Variants in CNTNAP2 observed in about 807,000 individuals in gnomAD.
CNTNAP2 encodes the protein contactin associated protein 2.
Under a neutral mutation model 155.2 loss-of-function variants are expected in CNTNAP2, and 98 were observed. The observed-to-expected ratio is 0.63, with a 90% CI of 0.54 to 0.75. CNTNAP2 has a LOEUF of 0.75. Ranked by LOEUF, CNTNAP2 falls within the 30% of genes least tolerant of loss-of-function variation. CNTNAP2 has a pLI of 0.00. For missense variants in CNTNAP2, 1,727 were observed against 1,688.1 expected (o/e 1.02, Z -0.40); for synonymous variants, 651 against 631.2 (o/e 1.03, Z -0.47).
intron 3 of CNTNAP2, among the ~76,000 whole-genome samples, chr7:147,039,939 GC>G (rs1436464371): frequency 1.6e-4 from 24 of 152,094 alleles, no homozygotes; most frequent in Admixed American, 7.2e-4. Flanking sequence ...TCATAACAAA[GC>G]AAATATTGAC....
chr7:148,038,604 C>A (rs1192059831), intron 15 of CNTNAP2, among the ~76,000 whole-genome samples: 2 of 152,134 alleles, frequency 1.3e-5, no homozygotes, highest in East Asian at 3.9e-4. Flanking sequence ...CTTATAGTAT[C>A]CTTGTGTCTC....
In CNTNAP2 at chr7:147,987,406, C is replaced by T. The variant is rs1328612777; in HGVS notation, c.2383+9417C>T. Among the ~76,000 whole-genome samples the T allele has an allele frequency of 2.6e-5, 4 of 152,132 alleles. No individual in the cohort carries two copies. The South Asian group carries it at 6.2e-4, about 24-fold the overall frequency. ...TTACAATTGACATGATATTTGTGTG[C>T]GTGTGACTGATTTTCTTACCTGTCC... On this transcript the variant is annotated intron_variant, in intron 15 of 23. Coordinates refer to ENST00000361727, the MANE Select transcript of CNTNAP2 (RefSeq NM_014141.6).
chr7:148,164,004 G>A (rs1227408913), intron 17 of CNTNAP2, among the ~76,000 whole-genome samples: 2 of 152,080 alleles, frequency 1.3e-5, no homozygotes, highest in East Asian at 3.9e-4. Context: ...GCACAATCTC[G>A]GCTCACTGTA....
At chr7:147,891,278 C>T (rs920429805) in intron 13 of CNTNAP2, among the ~76,000 whole-genome samples, 1 of 151,696 alleles carries the variant, frequency 6.6e-6, no homozygotes, top group African/African-American at 2.4e-5. Flanking sequence ...GATCTTGGCT[C>T]ACTGCAACCT....
intron 1 of CNTNAP2, among the ~76,000 whole-genome samples, chr7:146,543,815 C>T (rs1270520874): frequency 6.6e-6 from 1 of 151,882 alleles, no homozygotes; most frequent in African/African-American, 2.4e-5. Flanking sequence ...GCCTGATGAA[C>T]TACTTAACTA....
intron 2 of CNTNAP2, among the ~76,000 whole-genome samples, chr7:146,822,296 G>C (rs566412309): frequency 6.6e-6 from 1 of 151,946 alleles, no homozygotes; most frequent in African/African-American, 2.4e-5. Flanking sequence ...ACAGGAAGGG[G>C]AACATCACAC....
chr7:147,728,908 G>T (rs1268606618), intron 13 of CNTNAP2, among the ~76,000 whole-genome samples: 1 of 150,978 alleles, frequency 6.6e-6, no homozygotes, highest in Non-Finnish European at 1.5e-5. Context: ...GCATTGAATG[G>T]GTGGAAAAAT....
At chr7:146,873,582 C>T (rs1300131286) in intron 3 of CNTNAP2, among the ~76,000 whole-genome samples, 2 of 151,952 alleles carry the variant, frequency 1.3e-5, no homozygotes, top group South Asian at 4.2e-4. Flanking sequence ...AAGTGGGCTC[C>T]TAGAGTATTT....
chr7:147,663,696 A>C (rs1006036969), intron 13 of CNTNAP2, among the ~76,000 whole-genome samples: 6 of 152,240 alleles, frequency 3.9e-5, no homozygotes, highest in African/African-American at 1.4e-4. Context: ...TTATTACTAC[A>C]AATGCAGTTT....
chr7:146,679,773 T>C (rs1202960332), intron 1 of CNTNAP2, among the ~76,000 whole-genome samples: 3 of 152,194 alleles, frequency 2.0e-5, no homozygotes, highest in African/African-American at 4.8e-5. Flanking sequence ...TCTTTTCTCT[T>C]TTGCCTGTAT....
intron 4 of CNTNAP2, among the ~76,000 whole-genome samples, chr7:147,100,181 G>T (rs1800625998): frequency 6.6e-6 from 1 of 151,940 alleles, no homozygotes; most frequent in Non-Finnish European, 1.5e-5. Context: ...GGAGGCATAG[G>T]GTACCTCAGT....
At chr7:147,260,709 G>GT (rs1465494551) in intron 8 of CNTNAP2, among the ~76,000 whole-genome samples, 1 of 152,148 alleles carries the variant, frequency 6.6e-6, no homozygotes, top group African/African-American at 2.4e-5. Context: ...TTGAAAGCAG[G>GT]TGCGTATGCC....
intron 1 of CNTNAP2, among the ~76,000 whole-genome samples, chr7:146,265,537 C>A (rs950637610): frequency 1.3e-5 from 2 of 149,828 alleles, no homozygotes; most frequent in African/African-American, 5.0e-5. Context: ...CAGCTCGCTA[C>A]AACTTCTGCC....
intron 3 of CNTNAP2, among the ~76,000 whole-genome samples, chr7:146,894,245 C>A (rs1795834094): frequency 6.6e-6 from 1 of 152,140 alleles, no homozygotes; most frequent in Non-Finnish European, 1.5e-5. Flanking sequence ...CATAGTAATG[C>A]CTTAGAAATA....
intron 1 of CNTNAP2, among the ~76,000 whole-genome samples, chr7:146,472,263 A>G (rs1042413751): frequency 4.6e-5 from 7 of 152,204 alleles, no homozygotes; most frequent in Non-Finnish European, 1.0e-4. Flanking sequence ...TCAATAACAA[A>G]TGAGTCCACA....
At chr7:147,220,894 T>C (rs1803381810) in intron 8 of CNTNAP2, among the ~76,000 whole-genome samples, 1 of 152,060 alleles carries the variant, frequency 6.6e-6, no homozygotes. Flanking sequence ...TTGTGTTTTT[T>C]AGTTGAGATG....
chr7:147,268,614 C>A (rs1014613683), intron 8 of CNTNAP2, among the ~76,000 whole-genome samples: 1 of 152,038 alleles, frequency 6.6e-6, no homozygotes, highest in East Asian at 1.9e-4. Flanking sequence ...ACCTATGTAA[C>A]AAAGCTGCAT....
At chr7:147,183,741 A>C (rs1436749748) in intron 8 of CNTNAP2, among the ~76,000 whole-genome samples, 2 of 152,144 alleles carry the variant, frequency 1.3e-5, no homozygotes, top group Non-Finnish European at 2.9e-5. Context: ...TCTCTGTCAC[A>C]GACTGACTCT....
intron 15 of CNTNAP2, among the ~76,000 whole-genome samples, chr7:147,984,971 T>A (rs768638964): frequency 9.9e-5 from 15 of 151,868 alleles, no homozygotes; most frequent in Non-Finnish European, 1.9e-4. Flanking sequence ...AAAAATCAGC[T>A]GCGCATGTTG....
Sources: gnomAD v4.1 joint callset for allele counts (sites outside exome capture counted in the v4.1 genomes callset) on GRCh38, gnomAD v4.1.1 for gene constraint, MANE v1.5 for transcripts, NCBI Gene and HGNC (gene_info 2026-07-23, HGNC 2026-07-21) for gene names.